Variants in ATP8A1 observed in about 807,000 individuals in gnomAD.
The protein encoded by ATP8A1 is ATPase phospholipid transporting 8A1.
In ATP8A1, 90 loss-of-function variants were observed where a neutral mutation model predicts 177.7. The ratio of observed to expected loss-of-function variants is 0.51; its 90% CI spans 0.43 to 0.60. The LOEUF is 0.60. ATP8A1 is among the 20% of genes least tolerant of loss of function. ATP8A1 has a pLI of 0.00. For synonymous variants in ATP8A1, 493 were observed against 485.9 expected, an observed-to-expected ratio of 1.01 and a Z score of -0.19; for missense variants, 1,072 against 1,392.8, an observed-to-expected ratio of 0.77 and a Z score of 3.67.
intron 6 of ATP8A1, chr4:42,594,204 C>A: frequency 1.4e-6 from 1 of 719,134 alleles, no homozygotes; most frequent in Non-Finnish European, 2.3e-6. Flanking sequence ...TCGTTTATTC[C>A]TTATTTCCTT....
intron 14 of ATP8A1, among the ~76,000 whole-genome samples, chr4:42,573,606 A>T (rs1361581115): frequency 6.6e-6 from 1 of 152,226 alleles, no homozygotes; most frequent in Non-Finnish European, 1.5e-5. Flanking sequence ...AACCTCGTTT[A>T]TACATATAGT....
rs137905083 is a variant in ATP8A1 at position 42,525,600 on chromosome 4, C to T, written c.1723-753G>A. ...CCTTTTCAGCTTTAACTTCATGCAT[C>T]ACTTATGCTTCTCTAGTTCTTGCTC... On this transcript the variant is annotated intron_variant, in intron 20 of 36. Coordinates refer to ENST00000381668, the MANE Select transcript of ATP8A1 (RefSeq NM_006095.2). Among the ~76,000 whole-genome samples the T allele has an allele frequency of 3.3e-3, 499 of 152,314 alleles. 12 individuals carry two copies. Among genetic ancestry groups the T allele is most frequent in the East Asian group, 1.2e-3 (6 of 5,192 alleles).
Position 42,412,132 on chromosome 4 carries a change from TAAC to T in ATP8A1, c.*781_*783del, listed in dbSNP as rs1186940119. 2 of 152,176 alleles carry T rather than the reference TAAC, an allele frequency of 1.3e-5. No homozygotes were observed. Among genetic ancestry groups the T allele is most frequent in the South Asian group, 2.1e-4 (1 of 4,834 alleles). The allele number at this position is 152,176 out of a possible 1,614,324, so 9.4% of individuals were successfully genotyped here. A position where few individuals can be genotyped will look rare whatever the true frequency, so the allele number is the denominator to read the frequency against. ...TACATAGTTTGAAAAATCAGTGTCA[TAAC>T]AACAGAGTCACATTAACACGTGTGT... is the stretch of plus-strand genomic sequence containing the variant. On this transcript the variant is annotated 3_prime_UTR_variant, in exon 37 of 37. Coordinates refer to ENST00000381668, the MANE Select transcript of ATP8A1 (RefSeq NM_006095.2).
intron 22 of ATP8A1, among the ~76,000 whole-genome samples, chr4:42,511,439 A>C (rs561546928): frequency 6.6e-6 from 1 of 152,332 alleles, no homozygotes; most frequent in South Asian, 2.1e-4. Context: ...TTCAAAAAAA[A>C]ACTCCAAACA....
At chr4:42,424,367 A>G (rs777127942) in intron 33 of ATP8A1, among the ~76,000 whole-genome samples, 2 of 152,116 alleles carry the variant, frequency 1.3e-5, no homozygotes, top group Non-Finnish European at 2.9e-5. Context: ...ATTAGATTAC[A>G]CAGAACTTAA....
chr4:42,590,941 A>T (rs900448238), intron 6 of ATP8A1, 57 bp from the exon 7 acceptor site: 20 of 1,430,422 alleles, frequency 1.4e-5, no homozygotes, highest in Admixed American at 1.8e-5. Flanking sequence ...GAACAGAGGA[A>T]AAAAAACAAA....
chr4:42,474,495 G>A (rs953663982), intron 25 of ATP8A1, among the ~76,000 whole-genome samples: 3 of 152,180 alleles, frequency 2.0e-5, no homozygotes, highest in African/African-American at 7.2e-5. Flanking sequence ...CATCCTCAGT[G>A]CCCTAAAGCT....
Position 42,423,611 on chromosome 4 carries a change from A to G in ATP8A1, c.3212+6T>C, listed in dbSNP as rs1714244813. The stretch of plus-strand genomic sequence containing the variant: ...TTTCTCCGTATATAACTGAGTATAT[A>G]CTTACACCTTGTACACCACATCAAG... On this transcript the variant is annotated splice_donor_region_variant and intron_variant, in intron 34 of 36. Transcript: ENST00000381668. 3.1e-6 allele frequency: 5 copies of G among 1,598,372 alleles called. No homozygotes were observed. Among genetic ancestry groups the G allele is most frequent in the Non-Finnish European group, 3.4e-6 (4 of 1,167,956 alleles).
At chr4:42,645,934 A>G (rs1416229271) in intron 1 of ATP8A1, among the ~76,000 whole-genome samples, 5 of 137,712 alleles carry the variant, frequency 3.6e-5, no homozygotes, top group African/African-American at 6.2e-5. Context: ...TAGGTTAGAG[A>G]AAAAAAAAAA....
chr4:42,419,977 C>G lies in ATP8A1; in HGVS notation c.3305+2830G>C, dbSNP rs995039743. 3.3e-5 allele frequency among the ~76,000 whole-genome samples: 5 copies of G among 150,802 alleles called. No individual in the cohort carries two copies. In the South Asian group the frequency reaches 1.0e-3, roughly 32 times the overall value. On this transcript the variant is annotated intron_variant, in intron 35 of 36. Coordinates refer to ENST00000381668, the MANE Select transcript of ATP8A1 (RefSeq NM_006095.2). ...GAGATTGTGCCATTGCACTCCAGCCCGGGTGACAGTGCAAGACTCCGTCTC... is the reference window on the plus strand; with the variant it reads ...GAGATTGTGCCATTGCACTCCAGCCGGGGTGACAGTGCAAGACTCCGTCTC...
At chr4:42,435,432 A>C (rs1310438924) in intron 33 of ATP8A1, among the ~76,000 whole-genome samples, 17 of 71,496 alleles carry the variant, frequency 2.4e-4, no homozygotes, top group African/African-American at 1.0e-3. Context: ...ATCTCAAAAA[A>C]AAAAAAAAAA....
At chr4:42,575,431 C>G (rs558144585) in intron 13 of ATP8A1, among the ~76,000 whole-genome samples, 191 bp downstream of exon 13, 55 of 152,298 alleles carry the variant, frequency 3.6e-4, no homozygotes, top group Non-Finnish European at 7.1e-4. Flanking sequence ...AGAGCAAAAT[C>G]TCCTTGAGAC....
At chr4:42,587,553 G>A (rs1287354383) in intron 8 of ATP8A1, among the ~76,000 whole-genome samples, 2 of 151,078 alleles carry the variant, frequency 1.3e-5, no homozygotes, top group African/African-American at 2.4e-5. Flanking sequence ...TGATCCACCT[G>A]CCTCGGCCTC....
intron 25 of ATP8A1, among the ~76,000 whole-genome samples, chr4:42,468,453 A>C (rs1720045535): frequency 6.7e-6 from 1 of 148,378 alleles, no homozygotes; most frequent in Non-Finnish European, 1.5e-5. Context: ...ACACACACAC[A>C]GACACACACA....
chr4:42,411,582 T>C lies in ATP8A1; in HGVS notation c.*1334A>G, dbSNP rs1712611167. The C allele has an allele frequency of 6.6e-6, 1 of 152,226 alleles. No homozygotes were observed. The highest frequency in any genetic ancestry group is 1.5e-5 in the Non-Finnish European group (1 of 68,040). The allele number at this position is 152,226 out of a possible 1,614,324, so 9.4% of individuals were successfully genotyped here. A position where few individuals can be genotyped will look rare whatever the true frequency, so the allele number is the denominator to read the frequency against. On this transcript the variant is annotated 3_prime_UTR_variant, in exon 37 of 37. Coordinates refer to ENST00000381668, the MANE Select transcript of ATP8A1 (RefSeq NM_006095.2). The stretch of plus-strand genomic sequence containing the variant: ...TTTTAAACAGCCCCTTCATTTACTG[T>C]TGGTAGCAAAATAGCCATTTTCAGA...
rs1209769826 is a variant in ATP8A1 at position 42,412,839 on chromosome 4, T to G, written c.*77A>C. 1 of 1,222,148 alleles carries G rather than the reference T, an allele frequency of 8.2e-7. No individual in the cohort carries two copies. The highest frequency in any genetic ancestry group is 1.2e-6 in the Non-Finnish European group (1 of 837,562). 75.7% of individuals were successfully genotyped at this position (1,222,148 alleles called of 1,614,324 possible). ...TTCCTCTTCATGGACCAGACTGGAA[T>G]TGGTTAGCAGACTGCGGTGACAACC... is the stretch of plus-strand genomic sequence containing the variant. On this transcript the variant is annotated 3_prime_UTR_variant, in exon 37 of 37. Coordinates refer to ENST00000381668, the MANE Select transcript of ATP8A1 (RefSeq NM_006095.2).
At chr4:42,513,724 A>G (rs1725240692) in intron 22 of ATP8A1, among the ~76,000 whole-genome samples, 1 of 152,222 alleles carries the variant, frequency 6.6e-6, no homozygotes, top group African/African-American at 2.4e-5. Flanking sequence ...TGTTATGCTG[A>G]CAATCCCAAA....
intron 6 of ATP8A1, among the ~76,000 whole-genome samples, 174 bp downstream of exon 6, chr4:42,600,304 C>T (rs1295698330): frequency 6.6e-6 from 1 of 152,086 alleles, no homozygotes; most frequent in Admixed American, 6.5e-5. Context: ...TTCTATAATA[C>T]AGCAGAAATA....
At chr4:42,432,095 C>G (rs1401985391) in intron 33 of ATP8A1, among the ~76,000 whole-genome samples, 1 of 152,184 alleles carries the variant, frequency 6.6e-6, no homozygotes, top group Non-Finnish European at 1.5e-5. Context: ...TCATCTCACC[C>G]AATCTCAGTT....
Sources: gnomAD v4.1 joint callset for allele counts (sites outside exome capture counted in the v4.1 genomes callset) on GRCh38, gnomAD v4.1.1 for gene constraint, MANE v1.5 for transcripts, NCBI Gene and HGNC (gene_info 2026-07-23, HGNC 2026-07-21) for gene names.